The following ZNF536 variants were observed in gnomAD, a reference collection of about 807,000 sequenced individuals.
The protein encoded by ZNF536 is zinc finger protein 536.
A neutral mutation model predicts 84.5 loss-of-function variants in ZNF536; 13 were observed. The observed-to-expected ratio is 0.15, with a 90% CI of 0.10 to 0.24. The LOEUF is 0.24. ZNF536 is among the 10% of genes least tolerant of loss of function. The pLI is 1.00. For synonymous variants in ZNF536, 811 were observed against 742.5 expected (o/e 1.09, Z -1.50); for missense variants, 1,536 against 1,747.5 (o/e 0.88, Z 2.16).
At chr19:30,306,466 T>G (rs984180893) in intron 2 of ZNF536, among the ~76,000 whole-genome samples, 3 of 152,228 alleles carry the variant, frequency 2.0e-5, no homozygotes, top group Admixed American at 1.3e-4. Flanking sequence ...CTTGGGTTTG[T>G]AACACACTTA....
chr19:30,569,665 G>A (rs187921478), intron 1 of ZNF536, among the ~76,000 whole-genome samples: 1 of 144,256 alleles, frequency 6.9e-6, no homozygotes, highest in Non-Finnish European at 1.5e-5. Flanking sequence ...CTGCCTCCTG[G>A]GTTCAAGTGA....
chr19:30,243,301 C>T (rs938262678), intron 1 of ZNF536, among the ~76,000 whole-genome samples: 21 of 152,006 alleles, frequency 1.4e-4, no homozygotes, highest in Admixed American at 6.6e-5. Flanking sequence ...GCTATATAAA[C>T]ATGAATATAA....
chr19:30,364,150 G>A (rs911989973), intron 3 of ZNF536, among the ~76,000 whole-genome samples: 2 of 152,136 alleles, frequency 1.3e-5, no homozygotes, highest in Non-Finnish European at 2.9e-5. Flanking sequence ...AGGTATTTGT[G>A]ACTCACTGGG....
intron 1 of ZNF536, among the ~76,000 whole-genome samples, chr19:30,605,714 T>C (rs2047846367): frequency 6.6e-6 from 1 of 152,194 alleles, no homozygotes; most frequent in African/African-American, 2.4e-5. Flanking sequence ...GGAGTGGGAT[T>C]CCTGGATCGA....
At chr19:30,525,370 T>C (rs11669185) in intron 2 of ZNF536, among the ~76,000 whole-genome samples, 14,414 of 152,308 alleles carry the variant, frequency 0.095, 944 homozygotes, top group Non-Finnish European at 0.14. Flanking sequence ...TTCCCTCTCA[T>C]AGTCAGGAAC....
chr19:30,605,473 T>C (rs2047837323), intron 1 of ZNF536, among the ~76,000 whole-genome samples: 2 of 152,246 alleles, frequency 1.3e-5, no homozygotes, highest in Admixed American at 6.5e-5. Flanking sequence ...TCACTTGAAA[T>C]GATGGCCTCT....
At chr19:30,425,621 G>A (rs2051180696) in intron 1 of ZNF536, among the ~76,000 whole-genome samples, 1 of 152,142 alleles carries the variant, frequency 6.6e-6, no homozygotes, top group Non-Finnish European at 1.5e-5. Flanking sequence ...AGCTGCCACA[G>A]CTCCAGATCT....
chr19:30,353,863 C>T (rs932525527), intron 3 of ZNF536, among the ~76,000 whole-genome samples: 1 of 152,162 alleles, frequency 6.6e-6, no homozygotes, highest in Non-Finnish European at 1.5e-5. Context: ...CGGATGCTCA[C>T]AGTTTTGGAA....
chr19:30,265,970 A>C (rs1039284731), intron 1 of ZNF536, among the ~76,000 whole-genome samples: 1 of 151,896 alleles, frequency 6.6e-6, no homozygotes, highest in African/African-American at 2.4e-5. Context: ...GGCTCACTGC[A>C]GCCACAACCT....
At chr19:30,462,832 GTGTGA>G (rs2053210563) in intron 2 of ZNF536, among the ~76,000 whole-genome samples, 10 of 113,786 alleles carry the variant, frequency 8.8e-5, no homozygotes, top group East Asian at 4.8e-4. Context: ...GAATGGAATG[GTGTGA>G]GTGTTGTGTG....
intron 1 of ZNF536, among the ~76,000 whole-genome samples, chr19:30,442,003 G>C (rs1267819085): frequency 6.6e-6 from 1 of 152,244 alleles, no homozygotes; most frequent in African/African-American, 2.4e-5. Context: ...GGTCTCCCTG[G>C]TTAATCACTT....
intron 2 of ZNF536, among the ~76,000 whole-genome samples, chr19:30,500,822 C>T (rs2054919783): frequency 6.6e-6 from 1 of 152,242 alleles, no homozygotes; most frequent in South Asian, 2.1e-4. Context: ...GGATTGGTGT[C>T]AGAGGCAAGG....
rs1491336839 is a variant in ZNF536, at chr19:30,383,756, T to TC, written c.-3+11201dup. ...CTTTCTTTCTTTCTCTTTCTTTCTT[T>TC]CTCTTTCTTTCTTTCTTTTCTTTCT... On this transcript the variant is annotated intron_variant, in intron 1 of 4. Coordinates refer to ENST00000355537, the MANE Select transcript of ZNF536 (RefSeq NM_014717.3). Among the ~76,000 whole-genome samples the TC allele has an allele frequency of 6.3e-3, 43 of 6,774 alleles. 3 individuals carry two copies. Among genetic ancestry groups the TC allele is most frequent in the African/African-American group, 0.02 (43 of 2,160 alleles). The allele number at this position is 6,774 out of a possible 152,430, so 4.4% of individuals were successfully genotyped here.
chr19:30,579,598 G>A lies in ZNF536; in HGVS notation c.169+30084G>A, dbSNP rs115026995. Among the ~76,000 whole-genome samples the A allele has an allele frequency of 7.1e-3, 1,073 of 152,186 alleles. 18 individuals carry two copies. The highest frequency in any genetic ancestry group is 0.025 in the African/African-American group (1,023 of 41,510). Reference sequence around the variant, plus strand: ...CAAAGTTACCATCAATCATCCCACCGGCCACAGTCACATGGCCACACCCAG... The same window carrying A: ...CAAAGTTACCATCAATCATCCCACCAGCCACAGTCACATGGCCACACCCAG... On this transcript the variant is annotated intron_variant, in intron 1 of 1. Transcript: ENST00000592773.
chr19:30,397,479 A>G (rs886183813), intron 1 of ZNF536, among the ~76,000 whole-genome samples: 1 of 152,202 alleles, frequency 6.6e-6, no homozygotes, highest in Non-Finnish European at 1.5e-5. Context: ...TCAGGATATT[A>G]CTATTGGGAG....
At chr19:30,457,928 C>T (rs893014561) in intron 2 of ZNF536, among the ~76,000 whole-genome samples, 7 of 152,214 alleles carry the variant, frequency 4.6e-5, no homozygotes, top group African/African-American at 7.2e-5. Flanking sequence ...CTCGTGGATA[C>T]GGCCCCTCTT....
intron 1 of ZNF536, among the ~76,000 whole-genome samples, chr19:30,660,434 G>A (rs1055631269): frequency 1.3e-5 from 2 of 152,124 alleles, no homozygotes; most frequent in African/African-American, 2.4e-5. Flanking sequence ...CTTTGGCAGC[G>A]TGGAAATAAA....
chr19:30,502,363 C>G (rs773398223), intron 2 of ZNF536, among the ~76,000 whole-genome samples: 6 of 152,084 alleles, frequency 3.9e-5, no homozygotes, highest in Non-Finnish European at 5.9e-5. Flanking sequence ...TTTTAGCTAG[C>G]TAGCACCAGG....
At chr19:30,434,136 C>A (rs2051603695) in intron 1 of ZNF536, among the ~76,000 whole-genome samples, 1 of 152,198 alleles carries the variant, frequency 6.6e-6, no homozygotes, top group Admixed American at 6.5e-5. Flanking sequence ...AGGTGTCATT[C>A]TCTTTCCATT....
Sources: allele counts gnomAD v4.1 joint callset (sites outside exome capture counted in the v4.1 genomes callset), GRCh38; gene constraint gnomAD v4.1.1; transcripts MANE v1.5; gene names NCBI Gene and HGNC (gene_info 2026-07-23, HGNC 2026-07-21).